The following RYR1 variants were observed in gnomAD, a reference collection of about 807,000 sequenced individuals.
RYR1 encodes central core disease of muscle.
In RYR1, 342 loss-of-function variants were observed where a neutral mutation model predicts 583.5. The ratio of observed to expected loss-of-function variants is 0.59; its 90% CI spans 0.54 to 0.64. The LOEUF (loss-of-function observed/expected upper bound fraction) is 0.64. Among genes scored for constraint, RYR1 ranks in the 30% least tolerant of loss-of-function variants. The pLI is 0.00. For missense variants in RYR1, 6,032 were observed against 6,917.2 expected (o/e 0.87, Z 4.54); for synonymous variants, 2,791 against 2,822.5 (o/e 0.99, Z 0.35).
chr19:38,457,947 C>T, intron 17 of RYR1, 104 bp from the exon 18 acceptor site: 4 of 1,204,716 alleles, frequency 3.3e-6, no homozygotes, highest in Middle Eastern at 2.5e-4. Flanking sequence ...TCTCCCATCT[C>T]TCTCTCTCTG....
Position 38,565,606 on chromosome 19 carries a change from G to A in RYR1, c.13272G>A (p.Glu4424=). 5.5e-6 allele frequency: 8 copies of A among 1,446,956 alleles called. No homozygotes were observed. The highest frequency in any genetic ancestry group is 7.2e-6 in the Non-Finnish European group (8 of 1,107,714). 89.6% of individuals were successfully genotyped at this position (1,446,956 alleles called of 1,614,324 possible). Residue 4424 remains glutamate (E), a synonymous_variant, in exon 91 of 106, where the codon GAG becomes GAA. Coordinates refer to ENST00000359596, the MANE Select transcript of RYR1 (RefSeq NM_000540.3). The surrounding 1 kb of genome is among the most constrained non-coding windows in gnomAD (Gnocchi z 4.7). ...CGGAGGGCGCTGGAGACGAGGAGGAGGCGGTGCACGAGGCCGGGCCGGGCG... is the reference window on the plus strand; with the variant it reads ...CGGAGGGCGCTGGAGACGAGGAGGAAGCGGTGCACGAGGCCGGGCCGGGCG... The part of the protein sequence containing the change: ...DAAEGAGDEE[E]AVHEAGPGGA...
intron 83 of RYR1, chr19:38,537,019 T>A (rs756699042): frequency 1.7e-6 from 1 of 591,198 alleles, no homozygotes; most frequent in Non-Finnish European, 3.0e-6. Flanking sequence ...ACTTTCCCCA[T>A]GTGTGAAGCA....
At chr19:38,562,402 C>T (rs571322907) in intron 90 of RYR1, among the ~76,000 whole-genome samples, 5 of 152,186 alleles carry the variant, frequency 3.3e-5, no homozygotes, top group South Asian at 4.1e-4. Context: ...TCCCCACACG[C>T]CCCTGACACA....
At chr19:38,541,927 G>A (rs1364107255) in intron 84 of RYR1, among the ~76,000 whole-genome samples, 1 of 151,744 alleles carries the variant, frequency 6.6e-6, no homozygotes, top group African/African-American at 2.4e-5. Flanking sequence ...AAATTGGCCG[G>A]ATGTGGTGGC....
intron 94 of RYR1, 82 bp downstream of exon 94, chr19:38,570,775 G>C: frequency 8.2e-7 from 1 of 1,216,970 alleles, no homozygotes; most frequent in Admixed American, 1.7e-5. Flanking sequence ...AGAATTTCAG[G>C]GTTCCTCCAC....
chr19:38,477,898 T>TGGGG, intron 30 of RYR1, 28 bp downstream of exon 30: 1 of 873,684 alleles, frequency 1.1e-6, no homozygotes, highest in East Asian at 3.6e-5. Flanking sequence ...AGGTGGGAGG[T>TGGGG]GCAGGGTGGG....
At chr19:38,506,756 C>T in intron 56 of RYR1, 73 bp from the exon 57 acceptor site, 1 of 1,609,856 alleles carries the variant, frequency 6.2e-7, no homozygotes, top group Non-Finnish European at 8.5e-7. Flanking sequence ...ATGCCGGGCA[C>T]TGCAGGAACC....
At chr19:38,474,303 G>A (rs189847412) in intron 28 of RYR1, among the ~76,000 whole-genome samples, 42 of 150,594 alleles carry the variant, frequency 2.8e-4, no homozygotes, top group Non-Finnish European at 7.4e-5. Flanking sequence ...AATCTCTGTC[G>A]CCAGGCTGGA....
chr19:38,533,265 C>T (rs183380937), intron 78 of RYR1, among the ~76,000 whole-genome samples: 2 of 152,276 alleles, frequency 1.3e-5, no homozygotes, highest in African/African-American at 4.8e-5. Flanking sequence ...AGTAAACATG[C>T]AATTCACCGA....
At chr19:38,564,875 C>A in intron 90 of RYR1, 84 bp from the exon 91 acceptor site, 1 of 1,529,804 alleles carries the variant, frequency 6.5e-7, no homozygotes, top group Non-Finnish European at 8.8e-7. Context: ...GCCGCGGTGA[C>A]CCCTTGTAGC....
chr19:38,570,562 A>G (rs1973668910), intron 93 of RYR1, 45 bp from the exon 94 acceptor site: 3 of 1,448,018 alleles, frequency 2.1e-6, no homozygotes, highest in South Asian at 1.1e-5. Flanking sequence ...TCCAGGGAAG[A>G]GGCTGATCTG....
intron 91 of RYR1, 26 bp from the exon 92 acceptor site, chr19:38,566,885 A>C: frequency 6.3e-7 from 1 of 1,592,756 alleles, no homozygotes; most frequent in Non-Finnish European, 8.5e-7. Flanking sequence ...GTGAGGACTC[A>C]GCCCTGATGC....
chr19:38,492,415 C>A, intron 37 of RYR1, 75 bp from the exon 38 acceptor site: 4 of 1,509,578 alleles, frequency 2.6e-6, no homozygotes, highest in Non-Finnish European at 3.7e-6. Context: ...CACATATGCA[C>A]AAATAAATGA....
Position 38,485,767 on chromosome 19 carries a change from C to G in RYR1, c.5112C>G (p.Gly1704=). The G allele has an allele frequency of 2.5e-6, 4 of 1,613,146 alleles. No individual in the cohort carries two copies. Among genetic ancestry groups the G allele is most frequent in the Non-Finnish European group, 1.7e-6 (2 of 1,179,964 alleles). ...CCCTGGAGGACGCGCACCTGCCAGGCCCACTGCGCGCAGGCTACTATGACC... is the reference window on the plus strand; with the variant it reads ...CCCTGGAGGACGCGCACCTGCCAGGGCCACTGCGCGCAGGCTACTATGACC... ...LHALEDAHLP[G]PLRAGYYDLL... is the part of the protein sequence containing the mutation. Residue 1704 remains glycine, a synonymous_variant, in exon 34 of 106, where the codon GGC becomes GGG. Transcript: ENST00000359596.
rs757886811 is a variant in RYR1 at position 38,467,827 on chromosome 19, G to C, written c.3381+15G>C. On this transcript the variant is annotated intron_variant, in intron 25 of 105. Coordinates refer to ENST00000359596, the MANE Select transcript of RYR1 (RefSeq NM_000540.3). Reference sequence around the variant, plus strand: ...ATGGGCACCGCGTGGGTACCTCCCTGGGCACCATTCTGCCAGGTCCTGTGG... The same window carrying C: ...ATGGGCACCGCGTGGGTACCTCCCTCGGCACCATTCTGCCAGGTCCTGTGG... 6.2e-7 allele frequency: 1 copy of C among 1,612,756 alleles called. No homozygotes were observed. Among genetic ancestry groups the C allele is most frequent in the East Asian group, 2.2e-5 (1 of 44,850 alleles).
intron 58 of RYR1, 66 bp downstream of exon 58, chr19:38,507,893 C>A: frequency 2.2e-6 from 2 of 904,886 alleles, no homozygotes; most frequent in Non-Finnish European, 1.9e-6. Context: ...AGACCAGACT[C>A]ACCTAGGACA....
intron 47 of RYR1, among the ~76,000 whole-genome samples, chr19:38,501,430 G>A (rs1451335805): frequency 6.6e-6 from 1 of 152,104 alleles, no homozygotes; most frequent in African/African-American, 2.4e-5. Flanking sequence ...CCGGGGAGGC[G>A]GAGGTTGCAG....
At position 38,505,440 on chromosome 19, in the gene RYR1, AC is replaced by A. The variant is rs1970401923; in HGVS notation, c.8400+47del. ...GCCCAGCATTGAGGGTCAAAATGAA[AC>A]CCCCAAATTTGAGGATTCGGGGAGG... On this transcript the variant is annotated intron_variant, in intron 53 of 105. Coordinates refer to ENST00000359596, the MANE Select transcript of RYR1 (RefSeq NM_000540.3). 4 of 1,398,406 alleles carry A rather than the reference AC, an allele frequency of 2.9e-6. No individual in the cohort carries two copies. In the Admixed American group the frequency reaches 5.6e-5, roughly 20 times the overall value. 86.6% of individuals were successfully genotyped at this position (1,398,406 alleles called of 1,614,324 possible).
Position 38,517,481 on chromosome 19 carries a change from A to T in RYR1, c.9808A>T (p.Ile3270Phe), listed in dbSNP as rs761792934. 10 of 1,614,000 alleles carry T rather than the reference A, an allele frequency of 6.2e-6. No homozygotes were observed. The highest frequency in any genetic ancestry group is 8.5e-6 in the Non-Finnish European group (10 of 1,179,984). The change falls in exon 66 of 106, where the codon ATC becomes TTC. Residue 3270 changes from isoleucine (I) to phenylalanine (F), a missense_variant. Around this residue, in one of 11 missense-constraint regions of RYR1, gnomAD observed 1,493 missense variants for 1,715.5 expected, o/e 0.87. Coordinates refer to ENST00000359596, the MANE Select transcript of RYR1 (RefSeq NM_000540.3). ...GARYTEMPHV[I>F]EITLPMLCSY... is the part of the protein sequence containing the mutation. ...CCGCTACACAGAGATGCCGCATGTC[A>T]TCGAGATCACGCTGCCCATGCTATG... is the stretch of plus-strand genomic sequence containing the variant.
Sources: gnomAD v4.1 joint callset for allele counts (sites outside exome capture counted in the v4.1 genomes callset) on GRCh38, gnomAD v4.1.1 for gene constraint, gnomAD v4.1.1 regional missense constraint, Gnocchi (gnomAD v3.1) non-coding constraint, MANE v1.5 for transcripts, NCBI Gene and HGNC (gene_info 2026-07-23, HGNC 2026-07-21) for gene names.